The following GANC variants were observed in gnomAD, a reference collection of about 807,000 sequenced individuals.
GANC encodes glucosidase alpha, neutral C.
Under a neutral mutation model 124.2 loss-of-function variants are expected in GANC, and 117 were observed. The ratio of observed to expected loss-of-function variants is 0.94; its 90% CI spans 0.81 to 1.10. The LOEUF (loss-of-function observed/expected upper bound fraction) is 1.10. Among genes scored for constraint, GANC ranks in the 50% least tolerant of loss-of-function variants. The pLI is 0.00. For synonymous variants in GANC, 377 were observed against 376.8 expected (o/e 1.00, Z -0.01); for missense variants, 1,140 against 1,095.0 (o/e 1.04, Z -0.58).
chr15:42,344,184 C>G (rs1270654119), intron 19 of GANC, among the ~76,000 whole-genome samples: 2 of 152,194 alleles, frequency 1.3e-5, no homozygotes, highest in Admixed American at 6.5e-5. Context: ...TACCTCAAAC[C>G]TAGTGGTTTA....
chr15:42,316,299 C>G (rs1484579153), intron 10 of GANC, among the ~76,000 whole-genome samples: 1 of 152,066 alleles, frequency 6.6e-6, no homozygotes, highest in Non-Finnish European at 1.5e-5. Context: ...CAGCTGGGCC[C>G]AGGGGACCAC....
chr15:42,274,291 G>A lies in GANC; in HGVS notation c.-191G>A, dbSNP rs569770860. 1.6e-5 allele frequency: 10 copies of A among 634,084 alleles called. No homozygotes were observed. In the East Asian group the frequency reaches 2.7e-4, roughly 17 times the overall value. The allele number at this position is 634,084 out of a possible 1,614,324, so 39.3% of individuals were successfully genotyped here. On this transcript the variant is annotated 5_prime_UTR_variant, in exon 1 of 24. Coordinates refer to ENST00000318010, the MANE Select transcript of GANC (RefSeq NM_198141.3). ...AAATCATTGTAGAAACGCTAGTTTGGGCCTGAAAAATTCCAGGAGCAAGAG... is the reference window on the plus strand; with the variant it reads ...AAATCATTGTAGAAACGCTAGTTTGAGCCTGAAAAATTCCAGGAGCAAGAG...
At chr15:42,308,116 G>T (rs954911158) in intron 7 of GANC, 106 bp from the exon 8 acceptor site, 4 of 629,238 alleles carry the variant, frequency 6.4e-6, no homozygotes, top group Non-Finnish European at 1.1e-5. Flanking sequence ...GTGAGCCCAG[G>T]TCTCTCAGCC....
Position 42,348,061 on chromosome 15 carries a change from T to G in GANC, c.2305-42T>G, listed in dbSNP as rs767862386. 15 of 1,085,884 alleles carry G rather than the reference T, an allele frequency of 1.4e-5. No homozygotes were observed. The East Asian group carries it at 3.6e-4, about 26-fold the overall frequency. 67.3% of individuals were successfully genotyped at this position (1,085,884 alleles called of 1,614,324 possible). ...TTTTAAATTCTACCTTGAAATTTTC[T>G]TATATGAATACTGCTTCCCTGAGCG... On this transcript the variant is annotated intron_variant, in intron 20 of 23. Transcript: ENST00000318010.
chr15:42,327,143 G>A (rs1350599942), intron 12 of GANC, among the ~76,000 whole-genome samples: 1 of 152,158 alleles, frequency 6.6e-6, no homozygotes, highest in Non-Finnish European at 1.5e-5. Context: ...TTGTGCATTG[G>A]CATTCCCCTG....
At chr15:42,291,976 A>C (rs1050753130) in intron 4 of GANC, among the ~76,000 whole-genome samples, 3 of 152,172 alleles carry the variant, frequency 2.0e-5, no homozygotes, top group African/African-American at 7.2e-5. Flanking sequence ...ACATCATAAG[A>C]ACATAAACTG....
chr15:42,324,125 G>C (rs2052181536), intron 11 of GANC, among the ~76,000 whole-genome samples: 1 of 152,016 alleles, frequency 6.6e-6, no homozygotes, highest in Non-Finnish European at 1.5e-5. Flanking sequence ...CAAAGAACTT[G>C]AATAGACATC....
At chr15:42,334,721 T>C (rs536932560) in intron 15 of GANC, among the ~76,000 whole-genome samples, 3 of 147,894 alleles carry the variant, frequency 2.0e-5, no homozygotes, top group African/African-American at 7.4e-5. Context: ...TCAATAATAA[T>C]AAGAAAGACA....
chr15:42,326,238 T>C (rs975655606), intron 11 of GANC, 60 bp from the exon 12 acceptor site: 4 of 1,209,874 alleles, frequency 3.3e-6, no homozygotes, highest in Non-Finnish European at 3.6e-6. Flanking sequence ...CGAAAACATA[T>C]ACGTGAACAT....
chr15:42,339,661 G>C lies in GANC; in HGVS notation c.1844-8G>C. The C allele has an allele frequency of 6.2e-7, 1 of 1,608,518 alleles. No homozygotes were observed. The highest frequency in any genetic ancestry group is 8.5e-7 in the Non-Finnish European group (1 of 1,176,208). On this transcript the variant is annotated splice_polypyrimidine_tract_variant and splice_region_variant and intron_variant, in intron 16 of 23. Coordinates refer to ENST00000318010, the MANE Select transcript of GANC (RefSeq NM_198141.3). Reference sequence around the variant, plus strand: ...TGGTTGCCTCACTTGGCCTTCTTTTGCTTCCAGCTGACATAGGCGGGTTCA... The same window carrying C: ...TGGTTGCCTCACTTGGCCTTCTTTTCCTTCCAGCTGACATAGGCGGGTTCA...
Position 42,296,989 on chromosome 15 carries a change from GAA to G in GANC, c.513-620_513-619del, listed in dbSNP as rs147296327. Among the ~76,000 whole-genome samples the G allele has an allele frequency of 3.9e-3, 595 of 151,834 alleles. 4 individuals carry two copies. Among genetic ancestry groups the G allele is most frequent in the Non-Finnish European group, 6.8e-3 (461 of 67,966 alleles). On this transcript the variant is annotated intron_variant, in intron 5 of 23. Transcript: ENST00000318010. ...CTACAATTTTAGATTGGCAAAAACT[GAA>G]AGATTGATAAAGTCCAGCAATGTTA...
chr15:42,350,958 A>G (rs746810582), intron 22 of GANC, among the ~76,000 whole-genome samples: 2 of 150,942 alleles, frequency 1.3e-5, no homozygotes, highest in South Asian at 2.1e-4. Context: ...TGCAACCTCT[A>G]TCTCCCAGGT....
intron 10 of GANC, among the ~76,000 whole-genome samples, chr15:42,313,409 C>T (rs551658502): frequency 7.2e-5 from 11 of 152,196 alleles, no homozygotes; most frequent in East Asian, 1.9e-4. Flanking sequence ...ACATTAAAAA[C>T]TTTTGTGCAT....
Position 42,352,028 on chromosome 15 carries a change from AG to A in GANC, c.2636-1del. ...TCCCTCTTTTATTGTCTTGCTATTT[AG>A]ATGGTAAAGATCAGCCTGTGGCTTT... On this transcript the variant is annotated splice_acceptor_variant, in intron 23 of 23. Coordinates refer to ENST00000318010, the MANE Select transcript of GANC (RefSeq NM_198141.3). LOFTEE classifies it high-confidence loss of function. 6.2e-7 allele frequency: 1 copy of A among 1,614,034 alleles called. No individual in the cohort carries two copies. The highest frequency in any genetic ancestry group is 8.5e-7 in the Non-Finnish European group (1 of 1,179,932).
intron 6 of GANC, among the ~76,000 whole-genome samples, chr15:42,298,303 G>A (rs1182355764): frequency 1.3e-5 from 2 of 152,158 alleles, no homozygotes; most frequent in African/African-American, 4.8e-5. Flanking sequence ...GGGGAGGGTG[G>A]TATGTAACGA....
intron 14 of GANC, among the ~76,000 whole-genome samples, chr15:42,330,216 T>G (rs993090535): frequency 6.6e-6 from 1 of 152,230 alleles, no homozygotes; most frequent in Non-Finnish European, 1.5e-5. Flanking sequence ...GACCAGTCAT[T>G]TAACCTCTCT....
chr15:42,351,536 T>G, intron 23 of GANC, 104 bp downstream of exon 23: 1 of 797,722 alleles, frequency 1.3e-6, no homozygotes, highest in Non-Finnish European at 2.1e-6. Context: ...TGAGCCTGAG[T>G]GTGTGCTTTC....
chr15:42,351,854 A>G (rs1443518016), intron 23 of GANC, among the ~76,000 whole-genome samples, 176 bp from the exon 24 acceptor site: 4 of 152,224 alleles, frequency 2.6e-5, no homozygotes, highest in Admixed American at 6.5e-5. Flanking sequence ...GGTCAAAACA[A>G]TGAAGTTTTC....
chr15:42,347,488 T>C (rs766081742), intron 20 of GANC, among the ~76,000 whole-genome samples: 1 of 152,162 alleles, frequency 6.6e-6, no homozygotes, highest in Non-Finnish European at 1.5e-5. Context: ...TAGGGTCTCT[T>C]AAAGTACCCT....
Sources: allele counts gnomAD v4.1 joint callset (sites outside exome capture counted in the v4.1 genomes callset), GRCh38; gene constraint gnomAD v4.1.1; transcripts MANE v1.5; gene names NCBI Gene and HGNC (gene_info 2026-07-23, HGNC 2026-07-21).